Variants in ACVR1B observed in about 807,000 individuals in gnomAD.
ACVR1B encodes activin A receptor type 1B.
Under a neutral mutation model 55.6 loss-of-function variants are expected in ACVR1B, and 15 were observed. The ratio of observed to expected loss-of-function variants is 0.27; its 90% CI spans 0.18 to 0.42. The LOEUF (loss-of-function observed/expected upper bound fraction) is 0.42, where lower values mean the gene tolerates loss of function less well. Among genes scored for constraint, ACVR1B ranks in the 10% least tolerant of loss-of-function variants. The probability of loss-of-function intolerance (pLI) is 1.00; values close to 1 mark genes in which losing one functional copy is unlikely to be tolerated. For synonymous variants in ACVR1B, 247 were observed against 254.6 expected (o/e 0.97, Z 0.28); for missense variants, 359 against 670.1 (o/e 0.54, Z 5.13).
chr12:51,957,441 C>CAAAAAA (rs76826910), intron 1 of ACVR1B, among the ~76,000 whole-genome samples: 1 of 96,268 alleles, frequency 1.0e-5, no homozygotes, highest in Non-Finnish European at 2.3e-5. Context: ...GAGACTCCGT[C>CAAAAAA]AAAAAAAAAA....
chr12:51,979,931 T>C (rs1254919519), intron 3 of ACVR1B, among the ~76,000 whole-genome samples: 3 of 152,040 alleles, frequency 2.0e-5, no homozygotes, highest in Non-Finnish European at 4.4e-5. Flanking sequence ...GGTCCAAAAG[T>C]AGGACAGGCG....
chr12:51,982,676 G>A, intron 4 of ACVR1B: 1 of 1,512,368 alleles, frequency 6.6e-7, no homozygotes, highest in Non-Finnish European at 8.8e-7. Context: ...TTTCATTCCT[G>A]AAACAACAGC....
chr12:51,959,672 A>T (rs989421027), intron 1 of ACVR1B, among the ~76,000 whole-genome samples: 2 of 152,174 alleles, frequency 1.3e-5, no homozygotes, highest in African/African-American at 4.8e-5. Flanking sequence ...AAAGCAAGAG[A>T]GGGGAATAAT....
chr12:51,969,574 C>T (rs1190829485), intron 1 of ACVR1B, among the ~76,000 whole-genome samples: 1 of 152,122 alleles, frequency 6.6e-6, no homozygotes. Flanking sequence ...TTCTCTAAAG[C>T]CCAGGCAGGC....
chr12:51,976,601 T>C lies in ACVR1B; in HGVS notation c.580+26T>C, dbSNP rs777745262. The C allele has an allele frequency of 9.9e-6, 16 of 1,609,690 alleles. 1 individual carries two copies. In the South Asian group the frequency reaches 1.6e-4, roughly 17 times the overall value. On this transcript the variant is annotated intron_variant, in intron 3 of 8. Coordinates refer to ENST00000257963, the MANE Select transcript of ACVR1B (RefSeq NM_004302.5). ...GTACCAAGTTCTTCAGGGCATCATG[T>C]CTGTGGTTGGCTTTCATCAGTTTCC...
At chr12:51,989,303 G>T (rs1307153045) in intron 7 of ACVR1B, among the ~76,000 whole-genome samples, 2 of 151,770 alleles carry the variant, frequency 1.3e-5, no homozygotes, top group Admixed American at 6.6e-5. Flanking sequence ...TTATTTTTTT[G>T]AGAGAGGGTT....
At chr12:51,989,504 C>T (rs995923731) in intron 7 of ACVR1B, among the ~76,000 whole-genome samples, 11 of 152,090 alleles carry the variant, frequency 7.2e-5, no homozygotes, top group South Asian at 2.1e-4. Context: ...AGGCTGGTCT[C>T]GAACTCCTGA....
chr12:51,985,079 GGAT>G, intron 5 of ACVR1B, 110 bp from the exon 6 acceptor site: 1 of 1,127,206 alleles, frequency 8.9e-7, no homozygotes, highest in Non-Finnish European at 1.2e-6. Context: ...CAGGGTCACT[GGAT>G]TAGCAGGAGG....
intron 1 of ACVR1B, among the ~76,000 whole-genome samples, chr12:51,968,576 A>G (rs1428711686): frequency 6.6e-6 from 1 of 152,148 alleles, no homozygotes; most frequent in East Asian, 1.9e-4. Context: ...CCCTTCCTTG[A>G]ATTTGGGTGG....
At chr12:51,990,139 C>G (rs977944950) in intron 7 of ACVR1B, among the ~76,000 whole-genome samples, 1 of 151,358 alleles carries the variant, frequency 6.6e-6, no homozygotes, top group Non-Finnish European at 1.5e-5. Context: ...ACTAAAAATA[C>G]AAAAATTAGC....
intron 1 of ACVR1B, among the ~76,000 whole-genome samples, chr12:51,972,620 A>G (rs1369566872): frequency 2.0e-5 from 3 of 152,220 alleles, no homozygotes; most frequent in African/African-American, 7.2e-5. Flanking sequence ...CGAGAAGGTT[A>G]ATACCTTGCT....
chr12:51,984,698 T>C (rs770579789), intron 5 of ACVR1B, among the ~76,000 whole-genome samples: 1 of 152,226 alleles, frequency 6.6e-6, no homozygotes, highest in African/African-American at 2.4e-5. Context: ...CTTGTCACAA[T>C]GGCAGGTGTG....
Position 51,994,009 on chromosome 12 carries a change from A to C in ACVR1B, c.1417A>C (p.Met473Leu). The C allele has an allele frequency of 1.2e-6, 2 of 1,614,088 alleles. No individual in the cohort carries two copies. Among genetic ancestry groups the C allele is most frequent in the Non-Finnish European group, 1.7e-6 (2 of 1,180,028 alleles). The change falls in exon 9 of 9, where the codon ATG becomes CTG. Residue 473 changes from methionine (M) to leucine (L), a missense_variant. Transcript: ENST00000257963. The surrounding 1 kb of genome is among the most constrained non-coding windows in gnomAD (Gnocchi z 4.2). ...YEALRVMGKM[M>L]RECWYANGAA... ...GGCACTGCGGGTGATGGGGAAGATG[A>C]TGCGAGAGTGTTGGTATGCCAACGG...
intron 1 of ACVR1B, among the ~76,000 whole-genome samples, chr12:51,952,851 A>G (rs769222688): frequency 4.7e-5 from 1 of 21,432 alleles, no homozygotes; most frequent in Non-Finnish European, 9.0e-5. Flanking sequence ...CCCAATCCCC[A>G]CAGTCTGCGG....
At chr12:51,954,860 A>G (rs1388660730) in intron 1 of ACVR1B, among the ~76,000 whole-genome samples, 1 of 152,224 alleles carries the variant, frequency 6.6e-6, no homozygotes, top group Admixed American at 6.5e-5. Context: ...TGAATAAGCA[A>G]TGCTGGGTTA....
At chr12:51,981,656 A>C (rs1246063465) in intron 4 of ACVR1B, among the ~76,000 whole-genome samples, 1 of 152,078 alleles carries the variant, frequency 6.6e-6, no homozygotes, top group Non-Finnish European at 1.5e-5. Flanking sequence ...ACATGGCAAA[A>C]CCCCATCTCT....
chr12:51,996,284 C>T lies in ACVR1B; in HGVS notation c.*2174C>T, dbSNP rs1942295901. The T allele has an allele frequency of 6.6e-6, 1 of 152,642 alleles. No individual in the cohort carries two copies. The highest frequency in any genetic ancestry group is 2.4e-5 in the African/African-American group (1 of 41,420). 9.5% of individuals were successfully genotyped at this position (152,642 alleles called of 1,614,324 possible). On this transcript the variant is annotated 3_prime_UTR_variant, in exon 9 of 9. Coordinates refer to ENST00000257963, the MANE Select transcript of ACVR1B (RefSeq NM_004302.5). ...AGCCTTAGAGCATCTCTGCCTCCAA[C>T]CCAGCAGTTCTCTGCCAAAGCTTGT...
In ACVR1B at chr12:51,995,704, T is replaced by C. The variant is rs1942286246; in HGVS notation, c.*1594T>C. Reference sequence around the variant, plus strand: ...AAGAAATCCCTAAAAAAAAAAATTATCCAATTGAACGCACATAGCTCAATC... The same window carrying C: ...AAGAAATCCCTAAAAAAAAAAATTACCCAATTGAACGCACATAGCTCAATC... On this transcript the variant is annotated 3_prime_UTR_variant, in exon 9 of 9. Coordinates refer to ENST00000257963, the MANE Select transcript of ACVR1B (RefSeq NM_004302.5). The C allele has an allele frequency of 6.6e-6, 1 of 152,250 alleles. No homozygotes were observed. The highest frequency in any genetic ancestry group is 1.9e-4 in the East Asian group (1 of 5,192). 9.4% of individuals were successfully genotyped at this position (152,250 alleles called of 1,614,324 possible). A position where few individuals can be genotyped will look rare whatever the true frequency, so the allele number is the denominator to read the frequency against.
At chr12:51,953,395 C>T (rs1445470428) in intron 1 of ACVR1B, 40 of 985,352 alleles carry the variant, frequency 4.1e-5, no homozygotes, top group Non-Finnish European at 4.7e-5. Context: ...TTCTCCTAAG[C>T]ACCTCGTGTG....
Sources: gnomAD v4.1 joint callset for allele counts (sites outside exome capture counted in the v4.1 genomes callset) on GRCh38, gnomAD v4.1.1 for gene constraint, Gnocchi (gnomAD v3.1) non-coding constraint, MANE v1.5 for transcripts, NCBI Gene and HGNC (gene_info 2026-07-23, HGNC 2026-07-21) for gene names.